The following PRKCQ variants were observed in gnomAD, a reference collection of about 807,000 sequenced individuals.
PRKCQ encodes protein kinase C theta.
A neutral mutation model predicts 91.2 loss-of-function variants in PRKCQ; 41 were observed. The observed-to-expected ratio is 0.45, with a 90% CI of 0.35 to 0.58. The LOEUF is 0.58. PRKCQ is among the 20% of genes least tolerant of loss of function. PRKCQ has a pLI of 0.00. For missense variants in PRKCQ, 673 were observed against 896.5 expected (o/e 0.75, Z 3.18); for synonymous variants, 307 against 316.9 (o/e 0.97, Z 0.33).
At chr10:6,435,413 G>A (rs1833652123) in intron 16 of PRKCQ, among the ~76,000 whole-genome samples, 1 of 152,260 alleles carries the variant, frequency 6.6e-6, no homozygotes, top group African/African-American at 2.4e-5. Context: ...GCTCAAGAAT[G>A]TGGGGGCTGT....
intron 1 of PRKCQ, among the ~76,000 whole-genome samples, chr10:6,520,010 G>A (rs984822955): frequency 6.6e-6 from 1 of 152,144 alleles, no homozygotes; most frequent in African/African-American, 2.4e-5. Flanking sequence ...CATCCTGGTG[G>A]TCTATTGTGT....
At chr10:6,568,342 T>A (rs1840908545) in intron 1 of PRKCQ, among the ~76,000 whole-genome samples, 1 of 152,222 alleles carries the variant, frequency 6.6e-6, no homozygotes, top group Admixed American at 6.5e-5. Flanking sequence ...AACAAAATTT[T>A]ATCTTTTATC....
At chr10:6,447,423 A>AAG (rs1453537877) in intron 15 of PRKCQ, among the ~76,000 whole-genome samples, 3 of 151,228 alleles carry the variant, frequency 2.0e-5, no homozygotes, top group Non-Finnish European at 2.9e-5. Context: ...AAAAAAAAAA[A>AAG]GTACGATATT....
intron 14 of PRKCQ, among the ~76,000 whole-genome samples, chr10:6,462,008 A>G (rs965068499): frequency 6.6e-6 from 1 of 152,232 alleles, no homozygotes; most frequent in Non-Finnish European, 1.5e-5. Flanking sequence ...GTAAGGTATG[A>G]TAAGAAAGAG....
At chr10:6,507,816 A>AT (rs1024256695) in intron 3 of PRKCQ, among the ~76,000 whole-genome samples, 1 of 152,236 alleles carries the variant, frequency 6.6e-6, no homozygotes, top group Admixed American at 6.5e-5. Flanking sequence ...GTCACAGGGC[A>AT]GACCCAGATC....
the PRKCQ span, among the ~76,000 whole-genome samples, chr10:6,405,736 G>A: frequency 6.6e-6 from 1 of 152,174 alleles, no homozygotes; most frequent in Non-Finnish European, 1.5e-5. Context: ...CATGATTCTA[G>A]GTCTAGAGGA....
Position 6,536,239 on chromosome 10 carries a change from C to T in PRKCQ, c.-9-21095G>A, listed in dbSNP as rs541741163. On this transcript the variant is annotated intron_variant, in intron 1 of 17. Coordinates refer to ENST00000263125, the MANE Select transcript of PRKCQ (RefSeq NM_006257.5). ...TCCCAGACACAGATTCCTTCAATGT[C>T]CCTTTGCTGAGGGGTATAACCCCCA... Among the ~76,000 whole-genome samples the T allele has an allele frequency of 3.9e-5, 6 of 152,324 alleles. No homozygotes were observed. The South Asian group carries it at 1.2e-3, about 32-fold the overall frequency.
the PRKCQ span, among the ~76,000 whole-genome samples, chr10:6,407,831 C>T: frequency 6.6e-6 from 1 of 152,080 alleles, no homozygotes; most frequent in Non-Finnish European, 1.5e-5. This position sits in a 1 kb window ranked among gnomAD's most constrained non-coding sequence, Gnocchi z 4.0. Flanking sequence ...CCCTAGTATT[C>T]AAGCAAATCC....
intron 1 of PRKCQ, among the ~76,000 whole-genome samples, chr10:6,558,815 C>T (rs1361275890): frequency 6.6e-6 from 1 of 152,168 alleles, no homozygotes; most frequent in Non-Finnish European, 1.5e-5. Flanking sequence ...GGAAAATTCT[C>T]AGAGACAGTC....
At chr10:6,400,029 A>G in the PRKCQ span, among the ~76,000 whole-genome samples, 1 of 152,316 alleles carries the variant, frequency 6.6e-6, no homozygotes, top group African/African-American at 2.4e-5. Flanking sequence ...AACATGCTGC[A>G]CGGTTTGACG....
At chr10:6,428,431 T>C (rs539950039) in intron 17 of PRKCQ, 69 bp from the exon 18 acceptor site, 1 of 1,544,068 alleles carries the variant, frequency 6.5e-7, no homozygotes, top group Admixed American at 1.8e-5. Flanking sequence ...ATCTTCACTT[T>C]TGTTATCTAG....
At chr10:6,467,421 G>C (rs1835744992) in intron 12 of PRKCQ, among the ~76,000 whole-genome samples, 1 of 125,460 alleles carries the variant, frequency 8.0e-6, no homozygotes, top group Non-Finnish European at 1.8e-5. Flanking sequence ...GAGAGAGAGA[G>C]AGAGAGAGAG....
intron 4 of PRKCQ, among the ~76,000 whole-genome samples, chr10:6,501,923 TGAGGCATCCCCA>T (rs1221474932): frequency 6.6e-6 from 1 of 152,044 alleles, no homozygotes; most frequent in African/African-American, 2.4e-5. Context: ...CAGAGGAGAT[TGAGGCATCCCCA>T]GAAACCAAGG....
At chr10:6,404,253 G>GAGAGA in the PRKCQ span, among the ~76,000 whole-genome samples, 1 of 12,406 alleles carries the variant, frequency 8.1e-5, no homozygotes, top group South Asian at 0.015. Flanking sequence ...GAGAAGGGGG[G>GAGAGA]GGGAGAGAGA....
intron 1 of PRKCQ, among the ~76,000 whole-genome samples, chr10:6,529,521 G>C (rs915972841): frequency 2.6e-5 from 4 of 152,182 alleles, no homozygotes; most frequent in African/African-American, 4.8e-5. Flanking sequence ...TGGTCAAAGG[G>C]TACCTAGACT....
At chr10:6,568,485 C>T (rs1006387956) in intron 1 of PRKCQ, among the ~76,000 whole-genome samples, 1 of 150,688 alleles carries the variant, frequency 6.6e-6, no homozygotes, top group African/African-American at 2.4e-5. Flanking sequence ...ATTTCCTGAT[C>T]ACTCTTAGCT....
intron 7 of PRKCQ, among the ~76,000 whole-genome samples, chr10:6,496,444 T>C (rs552435751): frequency 1.3e-5 from 2 of 152,286 alleles, no homozygotes; most frequent in East Asian, 1.9e-4. Context: ...TCTGTTATTA[T>C]CTCTAACCTT....
At chr10:6,575,594 G>T (rs991130277) in intron 1 of PRKCQ, among the ~76,000 whole-genome samples, 3 of 152,126 alleles carry the variant, frequency 2.0e-5, no homozygotes, top group Admixed American at 6.5e-5. Context: ...TTCTACACTA[G>T]AAAAAGGTGT....
intron 11 of PRKCQ, 111 bp from the exon 12 acceptor site, chr10:6,479,276 C>T (rs1192382470): frequency 1.6e-5 from 20 of 1,241,260 alleles, no homozygotes; most frequent in Middle Eastern, 2.1e-4. Flanking sequence ...GGGGTTCCTT[C>T]TCCAACCCCC....
Sources: gnomAD v4.1 joint callset for allele counts (sites outside exome capture counted in the v4.1 genomes callset) on GRCh38, gnomAD v4.1.1 for gene constraint, Gnocchi (gnomAD v3.1) non-coding constraint, MANE v1.5 for transcripts, NCBI Gene and HGNC (gene_info 2026-07-23, HGNC 2026-07-21) for gene names.